The following UTP11 variants were observed in gnomAD, a reference collection of about 807,000 sequenced individuals.
The protein encoded by UTP11 is probable U3 small nucleolar RNA-associated protein 11.
A neutral mutation model predicts 39.0 loss-of-function variants in UTP11; 29 were observed. The ratio of observed to expected loss-of-function variants is 0.74; its 90% CI spans 0.55 to 1.01. The LOEUF (loss-of-function observed/expected upper bound fraction) is 1.01. UTP11 is among the 50% of genes least tolerant of loss of function. UTP11 has a pLI of 0.00. For missense variants in UTP11, 281 were observed against 306.0 expected, an observed-to-expected ratio of 0.92 and a Z score of 0.61; for synonymous variants, 111 against 105.0, an observed-to-expected ratio of 1.06 and a Z score of -0.35.
chr1:38,017,983 C>A (rs1448342313), intron 3 of UTP11, among the ~76,000 whole-genome samples: 1 of 152,074 alleles, frequency 6.6e-6, no homozygotes, highest in African/African-American at 2.4e-5. Context: ...TGGAGCTGTT[C>A]TAGGACAGAT....
chr1:38,016,606 A>G (rs1356861569), intron 2 of UTP11, 186 bp downstream of exon 2: 2 of 597,718 alleles, frequency 3.3e-6, no homozygotes, highest in East Asian at 2.8e-5. Flanking sequence ...TAGGCAGATC[A>G]TTATTTATTT....
intron 2 of UTP11, 100 bp from the exon 3 acceptor site, chr1:38,017,568 T>C: frequency 1.1e-6 from 1 of 919,112 alleles, no homozygotes; most frequent in Non-Finnish European, 1.6e-6. Context: ...CTGTGTGACC[T>C]TTTAGATGCT....
chr1:38,022,691 T>A lies in UTP11; in HGVS notation c.568-8T>A. The A allele has an allele frequency of 6.3e-7, 1 of 1,598,848 alleles. No homozygotes were observed. The highest frequency in any genetic ancestry group is 8.6e-7 in the Non-Finnish European group (1 of 1,166,460). The stretch of plus-strand genomic sequence containing the variant: ...TGTTCACTGAGAATGTGTGTGTTTC[T>A]TCTCCAGCGAATAGCTAAAGAAAGG... On this transcript the variant is annotated splice_region_variant and splice_polypyrimidine_tract_variant and intron_variant, in intron 6 of 7. Transcript: ENST00000373014.
chr1:38,013,365 A>G (rs1298343022), intron 1 of UTP11, among the ~76,000 whole-genome samples: 1 of 152,184 alleles, frequency 6.6e-6, no homozygotes, highest in African/African-American at 2.4e-5. Flanking sequence ...TTACCCCTTA[A>G]TGTTGGCCTT....
Position 38,023,529 on chromosome 1 carries a change from T to G in UTP11, c.679-16T>G. 6.2e-7 allele frequency: 1 copy of G among 1,604,860 alleles called. No homozygotes were observed. Among genetic ancestry groups the G allele is most frequent in the Non-Finnish European group, 8.5e-7 (1 of 1,176,178 alleles). ...ATTTCCTTCTCTTTACTGATCACCT[T>G]TTTACTCTTTTGTAGGATAAAACTC... On this transcript the variant is annotated splice_polypyrimidine_tract_variant and intron_variant, in intron 7 of 7. Coordinates refer to ENST00000373014, the MANE Select transcript of UTP11 (RefSeq NM_016037.4).
chr1:38,013,947 T>A (rs1646692806), intron 1 of UTP11, among the ~76,000 whole-genome samples: 1 of 152,222 alleles, frequency 6.6e-6, no homozygotes, highest in Admixed American at 6.5e-5. Flanking sequence ...ACTCCTGACC[T>A]CTGGTGATCC....
rs1557771530 is a variant in UTP11, at chr1:38,023,660, C to T, written c.*32C>T. On this transcript the variant is annotated 3_prime_UTR_variant, in exon 8 of 8. Coordinates refer to ENST00000373014, the MANE Select transcript of UTP11 (RefSeq NM_016037.4). The stretch of plus-strand genomic sequence containing the variant: ...ATAGATAAGCCTTGTCATTCTGTAT[C>T]AAAAATCTGTTGTCGTTTTCTAGTA... The T allele has an allele frequency of 2.2e-5, 34 of 1,573,278 alleles. No homozygotes were observed. Among genetic ancestry groups the T allele is most frequent in the Non-Finnish European group, 2.8e-5 (32 of 1,159,770 alleles).
rs185866422 is a variant in UTP11 at position 38,021,003 on chromosome 1, C to T, written c.567+1620C>T. ...GTGGCGTGATATCGGCTCACTGCAA[C>T]CTCTGCCTCCTGGGTTCAAGCAATT... On this transcript the variant is annotated intron_variant, in intron 6 of 7. Transcript: ENST00000373014. 9.0e-4 allele frequency among the ~76,000 whole-genome samples: 136 copies of T among 151,828 alleles called. 1 individual carries two copies. Among genetic ancestry groups the T allele is most frequent in the African/African-American group, 2.6e-3 (106 of 41,366 alleles).
Position 38,018,548 on chromosome 1 carries a change from A to G in UTP11, c.313A>G (p.Ile105Val). ...GATGAGAACTCAGGACGTCAAATATATAGAAATGAAGAGGGTTGCAGAAGC... is the reference window on the plus strand; with the variant it reads ...GATGAGAACTCAGGACGTCAAATATGTAGAAATGAAGAGGGTTGCAGAAGC... ...KLMRTQDVKY[I>V]EMKRVAEAKK... The change falls in exon 4 of 8, where the codon ATA (isoleucine) becomes GTA (valine). Residue 105 changes from isoleucine (I) to valine (V), a missense_variant. Transcript: ENST00000373014. The G allele has an allele frequency of 1.9e-6, 3 of 1,613,776 alleles. No individual in the cohort carries two copies. The highest frequency in any genetic ancestry group is 1.7e-4 in the Middle Eastern group (1 of 6,060).
intron 2 of UTP11, chr1:38,017,036 A>C (rs1646710772): frequency 6.5e-6 from 1 of 153,332 alleles, no homozygotes; most frequent in Non-Finnish European, 1.5e-5. Context: ...AGAGATTTTA[A>C]GGCTAATGAT....
intron 4 of UTP11, 83 bp from the exon 5 acceptor site, chr1:38,018,976 T>C (rs1646721128): frequency 1.7e-6 from 2 of 1,159,290 alleles, no homozygotes; most frequent in Non-Finnish European, 2.4e-6. Context: ...TGATGTGAAA[T>C]GGTTTAAACT....
At chr1:38,014,721 C>G (rs1221770896) in intron 1 of UTP11, among the ~76,000 whole-genome samples, 3 of 151,984 alleles carry the variant, frequency 2.0e-5, no homozygotes, top group Non-Finnish European at 4.4e-5. Flanking sequence ...ACTTCAGGCT[C>G]GACCCCCTCA....
rs762284564 is a variant in UTP11, at chr1:38,022,657, C to T, written c.568-42C>T. Reference sequence around the variant, plus strand: ...GAAACAGTTTCTTACTCATTTTTGTCCTGTTCATTGTTCACTGAGAATGTG... The same window carrying T: ...GAAACAGTTTCTTACTCATTTTTGTTCTGTTCATTGTTCACTGAGAATGTG... On this transcript the variant is annotated intron_variant, in intron 6 of 7. Coordinates refer to ENST00000373014, the MANE Select transcript of UTP11 (RefSeq NM_016037.4). 3.6e-6 allele frequency: 5 copies of T among 1,380,746 alleles called. No individual in the cohort carries two copies. The Admixed American group carries it at 5.2e-5, about 14-fold the overall frequency. The allele number at this position is 1,380,746 out of a possible 1,614,324, so 85.5% of individuals were successfully genotyped here.
At chr1:38,017,793 G>C (rs1646714918) in intron 3 of UTP11, 23 bp downstream of exon 3, 1 of 1,573,526 alleles carries the variant, frequency 6.4e-7, no homozygotes. Flanking sequence ...TGGCTTGGTT[G>C]GTGTTTTGAG....
At chr1:38,016,334 T>C (rs751162759) in intron 1 of UTP11, 25 bp from the exon 2 acceptor site, 1 of 1,613,698 alleles carries the variant, frequency 6.2e-7, no homozygotes, top group Non-Finnish European at 8.5e-7. Flanking sequence ...AACTAAGCAC[T>C]GTTGTTCTTT....
chr1:38,013,373 C>G (rs545297489), intron 1 of UTP11, among the ~76,000 whole-genome samples: 23 of 152,320 alleles, frequency 1.5e-4, no homozygotes, highest in African/African-American at 5.3e-4. Flanking sequence ...TAATGTTGGC[C>G]TTTTCCATTC....
At chr1:38,016,760 G>A in intron 2 of UTP11, 1 of 275,424 alleles carries the variant, frequency 3.6e-6, no homozygotes, top group Non-Finnish European at 7.1e-6. Context: ...GATATAATCT[G>A]AAATTCCATT....
chr1:38,018,856 C>T (rs776371502), intron 4 of UTP11, among the ~76,000 whole-genome samples: 1 of 152,188 alleles, frequency 6.6e-6, no homozygotes, highest in African/African-American at 2.4e-5. Flanking sequence ...TCTCAGGCGA[C>T]TGTTGCAGGG....
chr1:38,018,538 C>T lies in UTP11; in HGVS notation c.303C>T (p.Asp101=), dbSNP rs1476156939. 1.2e-6 allele frequency: 2 copies of T among 1,613,650 alleles called. No individual in the cohort carries two copies. The highest frequency in any genetic ancestry group is 1.1e-5 in the South Asian group (1 of 91,042). Residue 101 remains aspartate, a synonymous_variant, in exon 4 of 8, where the codon GAC becomes GAT. Coordinates refer to ENST00000373014, the MANE Select transcript of UTP11 (RefSeq NM_016037.4). ...PEQLKLMRTQ[D]VKYIEMKRVA... is the part of the protein sequence containing the mutation. ...AACTAAAGCTGATGAGAACTCAGGACGTCAAATATATAGAAATGAAGAGGG... is the reference window on the plus strand; with the variant it reads ...AACTAAAGCTGATGAGAACTCAGGATGTCAAATATATAGAAATGAAGAGGG...
Sources: gnomAD v4.1 joint callset for allele counts (sites outside exome capture counted in the v4.1 genomes callset) on GRCh38, gnomAD v4.1.1 for gene constraint, MANE v1.5 for transcripts, NCBI Gene and HGNC (gene_info 2026-07-23, HGNC 2026-07-21) for gene names.